PDE7A: variants seen among roughly 807,000 people sequenced by gnomAD.
The protein encoded by PDE7A is high affinity 3',5'-cyclic-AMP phosphodiesterase 7A.
PDE7A carries 39 observed loss-of-function variants against 64.3 expected under a neutral mutation model. That is an observed-to-expected ratio of 0.61 (90% CI 0.47 to 0.79). PDE7A has a LOEUF of 0.79. Ranked by LOEUF, PDE7A falls within the 30% of genes least tolerant of loss-of-function variation. The pLI is 0.00. For synonymous variants in PDE7A, 203 were observed against 206.8 expected (o/e 0.98, Z 0.16); for missense variants, 470 against 582.8 (o/e 0.81, Z 1.99).
At chr8:65,802,472 C>T (rs1810014195) in intron 1 of PDE7A, among the ~76,000 whole-genome samples, 1 of 152,328 alleles carries the variant, frequency 6.6e-6, no homozygotes, top group South Asian at 2.1e-4. Context: ...CAGGGGAGCA[C>T]TGGCTTTGGG....
intron 3 of PDE7A, among the ~76,000 whole-genome samples, chr8:65,767,786 C>G (rs191797407): frequency 6.6e-6 from 1 of 152,358 alleles, no homozygotes; most frequent in East Asian, 1.9e-4. Context: ...CTACACATCT[C>G]TTCATCTGGA....
chr8:65,745,375 A>G (rs140443085), intron 5 of PDE7A, 32 bp downstream of exon 5: 141 of 1,266,736 alleles, frequency 1.1e-4, no homozygotes, highest in Non-Finnish European at 1.5e-4. Context: ...TCTAGACTAC[A>G]TTAACTTGAG....
chr8:65,790,436 G>A (rs1809669461), intron 1 of PDE7A, among the ~76,000 whole-genome samples: 1 of 152,206 alleles, frequency 6.6e-6, no homozygotes, highest in African/African-American at 2.4e-5. Context: ...AGAACACTCA[G>A]GAGGTGACTG....
At chr8:65,813,032 AC>A (rs1810294348) in intron 1 of PDE7A, among the ~76,000 whole-genome samples, 1 of 152,224 alleles carries the variant, frequency 6.6e-6, no homozygotes, top group Non-Finnish European at 1.5e-5. Context: ...GATTTGGATA[AC>A]ACCATATCCC....
intron 1 of PDE7A, among the ~76,000 whole-genome samples, chr8:65,821,749 A>G (rs1404460784): frequency 6.6e-6 from 1 of 152,252 alleles, no homozygotes; most frequent in African/African-American, 2.4e-5. Context: ...CTGAATTCTG[A>G]AGACTTATTA....
At chr8:65,760,808 G>A (rs1275072678) in intron 3 of PDE7A, among the ~76,000 whole-genome samples, 4 of 152,164 alleles carry the variant, frequency 2.6e-5, no homozygotes, top group Non-Finnish European at 4.4e-5. Flanking sequence ...GTGCTGGGAA[G>A]GTTACACCCA....
chr8:65,727,380 C>T, intron 7 of PDE7A, 79 bp from the exon 8 acceptor site: 2 of 1,567,772 alleles, frequency 1.3e-6, no homozygotes, highest in South Asian at 2.4e-5. Flanking sequence ...TTTGAATTAG[C>T]AGCCAATGGT....
chr8:65,749,630 A>G (rs983022388), intron 3 of PDE7A, among the ~76,000 whole-genome samples: 5 of 152,260 alleles, frequency 3.3e-5, no homozygotes, highest in Non-Finnish European at 5.9e-5. Flanking sequence ...CTTTGTAAAA[A>G]GAATCTCATT....
chr8:65,797,620 C>T (rs1438450558), intron 1 of PDE7A, among the ~76,000 whole-genome samples: 3 of 152,106 alleles, frequency 2.0e-5, no homozygotes, highest in Non-Finnish European at 2.9e-5. Flanking sequence ...CATATGTTTA[C>T]GGACTGGAAG....
intron 3 of PDE7A, among the ~76,000 whole-genome samples, chr8:65,773,138 T>C (rs533377992): frequency 2.6e-5 from 4 of 152,232 alleles, no homozygotes; most frequent in African/African-American, 9.6e-5. Flanking sequence ...ATTTTAGTCA[T>C]AGCAGGAGCA....
chr8:65,761,056 T>A (rs1303541582), intron 3 of PDE7A, among the ~76,000 whole-genome samples: 1 of 152,102 alleles, frequency 6.6e-6, no homozygotes, highest in East Asian at 1.9e-4. Flanking sequence ...TTACCAATAT[T>A]GTTTTTTCTT....
intron 1 of PDE7A, among the ~76,000 whole-genome samples, chr8:65,832,945 C>T (rs1431585822): frequency 6.6e-6 from 1 of 152,162 alleles, no homozygotes; most frequent in Admixed American, 6.5e-5. Context: ...AGTACACAGG[C>T]TTTAGAGTCA....
intron 1 of PDE7A, among the ~76,000 whole-genome samples, chr8:65,785,884 GA>G (rs1352221121): frequency 6.6e-6 from 1 of 151,910 alleles, no homozygotes; most frequent in Non-Finnish European, 1.5e-5. Context: ...TTGCTATTTA[GA>G]AAGGTAAAAT....
At chr8:65,776,954 T>C (rs998984207) in intron 3 of PDE7A, among the ~76,000 whole-genome samples, 1 of 152,228 alleles carries the variant, frequency 6.6e-6, no homozygotes, top group African/African-American at 2.4e-5. Context: ...GTTTTAATAT[T>C]GCGCATTAAA....
intron 1 of PDE7A, among the ~76,000 whole-genome samples, chr8:65,802,689 GT>G (rs1810021000): frequency 6.6e-6 from 1 of 152,182 alleles, no homozygotes; most frequent in South Asian, 2.1e-4. Context: ...TCTCTCGCAA[GT>G]CCAAATAAAG....
At chr8:65,739,353 A>C in intron 6 of PDE7A, 149 bp downstream of exon 6, 9 of 879,510 alleles carry the variant, frequency 1.0e-5, no homozygotes, top group Middle Eastern at 3.6e-4. Flanking sequence ...CACAGATGCA[A>C]GAGCTAAATA....
chr8:65,784,690 T>G (rs941324246), intron 1 of PDE7A, among the ~76,000 whole-genome samples: 1 of 151,840 alleles, frequency 6.6e-6, no homozygotes, highest in Admixed American at 6.6e-5. Context: ...GTTCAACTGA[T>G]ATGACAAAGG....
Position 65,730,171 on chromosome 8 carries a change from C to CTTTTTTTTTT in PDE7A, c.697-2880_697-2871dup, listed in dbSNP as rs1179431555. Among the ~76,000 whole-genome samples the CTTTTTTTTTT allele has an allele frequency of 2.1e-3, 179 of 86,426 alleles. 24 individuals carry two copies. The highest frequency in any genetic ancestry group is 6.9e-3 in the African/African-American group (145 of 20,922). The allele number at this position is 86,426 out of a possible 152,430, so 56.7% of individuals were successfully genotyped here. Reference sequence around the variant, plus strand: ...TGTGAGGGATCCAGGTTGCGCACTTCTTTTTTTTTTTTTTTTTTTTTTTTT... The same window carrying CTTTTTTTTTT: ...TGTGAGGGATCCAGGTTGCGCACTTCTTTTTTTTTTTTTTTTTTTTTTTTTTTTTTTTTTT... On this transcript the variant is annotated intron_variant, in intron 7 of 12. Transcript: ENST00000401827.
chr8:65,740,526 G>A (rs541381621), intron 5 of PDE7A, among the ~76,000 whole-genome samples: 11 of 152,030 alleles, frequency 7.2e-5, no homozygotes, highest in South Asian at 4.2e-4. Flanking sequence ...TCAGCCTCCC[G>A]AGTAGCAGGG....
Sources: gnomAD v4.1 joint callset for allele counts (sites outside exome capture counted in the v4.1 genomes callset) on GRCh38, gnomAD v4.1.1 for gene constraint, MANE v1.5 for transcripts, NCBI Gene and HGNC (gene_info 2026-07-23, HGNC 2026-07-21) for gene names.